Variants in GRIK2 observed in about 807,000 individuals in gnomAD.
The protein encoded by GRIK2 is glutamate receptor ionotropic, kainate 2.
In GRIK2, 32 loss-of-function variants were observed where a neutral mutation model predicts 100.3. That is an observed-to-expected ratio of 0.32 (90% CI 0.24 to 0.43). GRIK2 has a LOEUF of 0.43. Among genes scored for constraint, GRIK2 ranks in the 20% least tolerant of loss-of-function variants. GRIK2 has a pLI of 1.00. For missense variants in GRIK2, 843 were observed against 1,114.9 expected, an observed-to-expected ratio of 0.76 and a Z score of 3.47; for synonymous variants, 417 against 389.4, an observed-to-expected ratio of 1.07 and a Z score of -0.83.
chr6:101,738,165 AATTG>A (rs1775781587), intron 7 of GRIK2, among the ~76,000 whole-genome samples: 1 of 147,176 alleles, frequency 6.8e-6, no homozygotes, highest in Admixed American at 6.8e-5. Flanking sequence ...TGTCAATTGT[AATTG>A]ACAATTGTCA....
At chr6:101,530,477 A>G (rs1212484258) in intron 2 of GRIK2, among the ~76,000 whole-genome samples, 6 of 152,058 alleles carry the variant, frequency 3.9e-5, no homozygotes, top group Non-Finnish European at 7.4e-5. Flanking sequence ...TAGGTTATGT[A>G]TTCACGAAAA....
intron 2 of GRIK2, among the ~76,000 whole-genome samples, chr6:101,599,873 T>C (rs1779118241): frequency 6.6e-6 from 1 of 151,880 alleles, no homozygotes; most frequent in Non-Finnish European, 1.5e-5. Context: ...CTGTTGATAG[T>C]TCCCTTTACT....
chr6:101,725,764 C>A (rs773721197), intron 7 of GRIK2, among the ~76,000 whole-genome samples: 8 of 151,900 alleles, frequency 5.3e-5, no homozygotes, highest in Non-Finnish European at 1.0e-4. Context: ...AAGAGAGTAT[C>A]ATTTTGTACT....
chr6:101,776,194 G>C (rs903869561), intron 7 of GRIK2, among the ~76,000 whole-genome samples: 1 of 152,138 alleles, frequency 6.6e-6, no homozygotes, highest in African/African-American at 2.4e-5. Flanking sequence ...ACAAAGAAAA[G>C]ACCATAATAT....
intron 7 of GRIK2, among the ~76,000 whole-genome samples, chr6:101,743,445 T>G (rs1776174841): frequency 6.6e-6 from 1 of 152,178 alleles, no homozygotes; most frequent in African/African-American, 2.4e-5. Context: ...TATGAAAAAT[T>G]TCTTAACACG....
intron 7 of GRIK2, among the ~76,000 whole-genome samples, chr6:101,794,221 C>T (rs11156156): frequency 1.7e-4 from 26 of 152,048 alleles, no homozygotes; most frequent in South Asian, 2.1e-4. Flanking sequence ...CACTGCTGTT[C>T]TGTGCCCACT....
chr6:102,062,112 T>C (rs766131717), intron 16 of GRIK2, among the ~76,000 whole-genome samples: 2 of 150,246 alleles, frequency 1.3e-5, no homozygotes, highest in Non-Finnish European at 3.0e-5. Flanking sequence ...GTTTGCAAAA[T>C]ACAATATGAG....
At chr6:101,502,439 T>C (rs1773807251) in intron 2 of GRIK2, among the ~76,000 whole-genome samples, 1 of 152,124 alleles carries the variant, frequency 6.6e-6, no homozygotes, top group Admixed American at 6.5e-5. Flanking sequence ...TATGTAGTCA[T>C]GCAATGTGAA....
chr6:101,743,023 T>A (rs1388978594), intron 7 of GRIK2, among the ~76,000 whole-genome samples: 1 of 152,212 alleles, frequency 6.6e-6, no homozygotes, highest in African/African-American at 2.4e-5. Context: ...TGGCGATCTA[T>A]ACGAGCATAG....
At chr6:101,872,027 C>A (rs1311938878) in intron 11 of GRIK2, among the ~76,000 whole-genome samples, 1 of 151,896 alleles carries the variant, frequency 6.6e-6, no homozygotes, top group Non-Finnish European at 1.5e-5. Context: ...CACAGCCTTG[C>A]CAATATCAGT....
At chr6:101,637,182 C>A (rs956750238) in intron 4 of GRIK2, among the ~76,000 whole-genome samples, 1 of 152,028 alleles carries the variant, frequency 6.6e-6, no homozygotes, top group African/African-American at 2.4e-5. Context: ...TTACCTCGTT[C>A]TCCCTAAAAC....
intron 2 of GRIK2, among the ~76,000 whole-genome samples, chr6:101,508,618 T>A (rs191665972): frequency 1.3e-5 from 2 of 152,280 alleles, no homozygotes; most frequent in Non-Finnish European, 2.9e-5. Context: ...ATCAATTCCA[T>A]GAAGTAACTG....
intron 7 of GRIK2, among the ~76,000 whole-genome samples, chr6:101,690,540 A>G (rs1239029772): frequency 6.6e-6 from 1 of 151,988 alleles, no homozygotes; most frequent in African/African-American, 2.4e-5. Flanking sequence ...TACTCCTAAC[A>G]TCTCTCTCCT....
chr6:101,613,841 C>A (rs1267634799), intron 2 of GRIK2, among the ~76,000 whole-genome samples: 1 of 151,082 alleles, frequency 6.6e-6, no homozygotes, highest in Non-Finnish European at 1.5e-5. Flanking sequence ...AAGTGTTAGG[C>A]TAGATGAAAG....
intron 2 of GRIK2, among the ~76,000 whole-genome samples, chr6:101,432,806 A>G (rs949076291): frequency 2.0e-5 from 3 of 152,214 alleles, no homozygotes; most frequent in African/African-American, 7.2e-5. Flanking sequence ...TTGAGAAGGG[A>G]TCATCTAAAT....
At chr6:101,915,335 A>T (rs768570542) in intron 12 of GRIK2, among the ~76,000 whole-genome samples, 1 of 151,422 alleles carries the variant, frequency 6.6e-6, no homozygotes, top group Non-Finnish European at 1.5e-5. Flanking sequence ...TGGAATGATG[A>T]CTAAAAATTT....
intron 6 of GRIK2, among the ~76,000 whole-genome samples, chr6:101,684,341 C>A (rs931444424): frequency 2.6e-5 from 4 of 152,100 alleles, no homozygotes; most frequent in African/African-American, 9.7e-5. Context: ...ACTCATAGGC[C>A]TACATTTGAA....
intron 14 of GRIK2, among the ~76,000 whole-genome samples, chr6:101,977,403 G>C (rs1793456280): frequency 1.3e-5 from 2 of 151,818 alleles, no homozygotes; most frequent in African/African-American, 4.8e-5. Context: ...AATGCCTTCA[G>C]ACAGCAATTC....
intron 1 of GRIK2, among the ~76,000 whole-genome samples, chr6:101,396,604 C>G (rs1460869146): frequency 5.3e-5 from 8 of 152,206 alleles, no homozygotes; most frequent in Admixed American, 5.2e-4. Flanking sequence ...AAATAGTCCT[C>G]TTGATAATGT....
Sources: allele counts gnomAD v4.1 joint callset (sites outside exome capture counted in the v4.1 genomes callset), GRCh38; gene constraint gnomAD v4.1.1; transcripts MANE v1.5; gene names NCBI Gene and HGNC (gene_info 2026-07-23, HGNC 2026-07-21).